The following ARPC3 variants were observed in gnomAD, a reference collection of about 807,000 sequenced individuals.
The protein encoded by ARPC3 is actin related protein 2/3 complex subunit 3.
ARPC3 carries 12 observed loss-of-function variants against 27.6 expected under a neutral mutation model. The observed-to-expected ratio is 0.43, with a 90% confidence interval of 0.28 to 0.70. The LOEUF (loss-of-function observed/expected upper bound fraction) is 0.70. ARPC3 is among the 30% of genes least tolerant of loss of function. The pLI is 0.17. For synonymous variants in ARPC3, 53 were observed against 67.2 expected, an observed-to-expected ratio of 0.79 and a Z score of 1.03; for missense variants, 153 against 207.7, an observed-to-expected ratio of 0.74 and a Z score of 1.62.
chr12:110,447,820 A>G (rs1464525915), intron 1 of ARPC3, among the ~76,000 whole-genome samples: 1 of 151,384 alleles, frequency 6.6e-6, no homozygotes, highest in Non-Finnish European at 1.5e-5. Context: ...ACAAACAAAC[A>G]AAACCCAACA....
chr12:110,439,368 A>G (rs1027863402), intron 3 of ARPC3, among the ~76,000 whole-genome samples: 1 of 152,162 alleles, frequency 6.6e-6, no homozygotes, highest in African/African-American at 2.4e-5. Flanking sequence ...GTGCCCAGAG[A>G]ATTGTAACAT....
Position 110,435,634 on chromosome 12 carries a change from A to T in ARPC3, c.475-417T>A, listed in dbSNP as rs890657513. ...CGTGAGCCACCGCGCCTGGCCATAA[A>T]CCCTTTTTAGACAAAGTCTCACTCT... On this transcript the variant is annotated intron_variant, in intron 6 of 6. Coordinates refer to ENST00000228825, the MANE Select transcript of ARPC3 (RefSeq NM_001278556.2). Among the ~76,000 whole-genome samples, 20 of 148,344 alleles carry T rather than the reference A, an allele frequency of 1.3e-4. 1 individual carries two copies. The highest frequency in any genetic ancestry group is 2.4e-4 in the Non-Finnish European group (16 of 67,246).
At chr12:110,448,553 C>T (rs1291406072) in intron 1 of ARPC3, among the ~76,000 whole-genome samples, 1 of 151,374 alleles carries the variant, frequency 6.6e-6, no homozygotes, top group Non-Finnish European at 1.5e-5. Flanking sequence ...TGGCGTACAC[C>T]TGTAGTCCCA....
Position 110,437,098 on chromosome 12 carries a change from T to C in ARPC3, c.238A>G (p.Lys80Glu). The change falls in exon 4 of 7, where the codon AAG becomes GAG. Residue 80 changes from lysine (K) to glutamate (E), a missense_variant. Physicochemically the swap from Lys to Glu is moderately conservative, Grantham distance 56. Transcript: ENST00000228825. Reference sequence around the variant, plus strand: ...AGTTTAATTACCTTTTGCAGTTTCTTCAGACATTCAGAAATGTAGAGAGTT... The same window carrying C: ...AGTTTAATTACCTTTTGCAGTTTCTCCAGACATTCAGAAATGTAGAGAGTT... ...YITLYISECL[K>E]KLQKCNSKSQ... The C allele has an allele frequency of 6.2e-7, 1 of 1,601,688 alleles. No individual in the cohort carries two copies. Among genetic ancestry groups the C allele is most frequent in the Non-Finnish European group, 8.6e-7 (1 of 1,169,036 alleles).
intron 1 of ARPC3, among the ~76,000 whole-genome samples, chr12:110,447,219 T>C (rs1315513479): frequency 6.6e-6 from 1 of 152,232 alleles, no homozygotes; most frequent in Non-Finnish European, 1.5e-5. Flanking sequence ...TGAGAAGATA[T>C]ATATTCCCTT....
intron 2 of ARPC3, chr12:110,444,832 T>G (rs192350415): frequency 6.5e-6 from 1 of 152,722 alleles, no homozygotes; most frequent in Non-Finnish European, 1.5e-5. Context: ...TGAATGGAAT[T>G]CAGTTCAGAC....
chr12:110,445,630 G>T, intron 1 of ARPC3, 79 bp from the exon 2 acceptor site: 1 of 1,079,026 alleles, frequency 9.3e-7, no homozygotes, highest in Non-Finnish European at 1.4e-6. Context: ...TCCCTTAAAG[G>T]AAAAAAAGAG....
chr12:110,447,645 T>C (rs1314301676), intron 1 of ARPC3, among the ~76,000 whole-genome samples: 1 of 152,062 alleles, frequency 6.6e-6, no homozygotes, highest in African/African-American at 2.4e-5. Flanking sequence ...TGGTAGTGCA[T>C]GCCTGTATTC....
At chr12:110,445,633 A>G in intron 1 of ARPC3, 82 bp from the exon 2 acceptor site, 3 of 1,056,200 alleles carry the variant, frequency 2.8e-6, no homozygotes, top group Non-Finnish European at 4.4e-6. Context: ...CTTAAAGGAA[A>G]AAAAGAGTAA....
intron 2 of ARPC3, among the ~76,000 whole-genome samples, chr12:110,444,463 T>TTAG (rs1398955806): frequency 6.6e-6 from 1 of 152,048 alleles, no homozygotes; most frequent in Non-Finnish European, 1.5e-5. Flanking sequence ...TTTTGTATTT[T>TTAG]TAGTAGAGTT....
rs59861890 is a variant in ARPC3 at position 110,436,687 on chromosome 12, G to GAA, written c.253-6_253-5dup. On this transcript the variant is annotated splice_region_variant and splice_polypyrimidine_tract_variant and intron_variant, in intron 4 of 6. Transcript: ENST00000228825. ...CACCTTGGCTTTTGGAATTGCACTG[G>GAA]AAAAAAAAATATATATATATATATA... The GAA allele has an allele frequency of 0.025, 19,894 of 799,386 alleles. 979 individuals carry two copies. The highest frequency in any genetic ancestry group is 0.064 in the African/African-American group (2,399 of 37,314). The allele number at this position is 799,386 out of a possible 1,614,324, so 49.5% of individuals were successfully genotyped here. A position where few individuals can be genotyped will look rare whatever the true frequency, so the allele number is the denominator to read the frequency against.
chr12:110,446,615 T>A (rs1040328490), intron 1 of ARPC3, among the ~76,000 whole-genome samples: 1 of 145,792 alleles, frequency 6.9e-6, no homozygotes, highest in Admixed American at 6.9e-5. Flanking sequence ...TTCCTAATTT[T>A]TTTTTTTTTT....
chr12:110,447,149 G>T lies in ARPC3; in HGVS notation c.7-1598C>A, dbSNP rs76769595. On this transcript the variant is annotated intron_variant, in intron 1 of 6. Transcript: ENST00000228825. ...CTTTTCAGCTCTGCCACTTCATGGC[G>T]TTATGCTTTTGACCAAGACATCATT... Among the ~76,000 whole-genome samples, 746 of 152,274 alleles carry T rather than the reference G, an allele frequency of 4.9e-3. 2 individuals carry two copies. The highest frequency in any genetic ancestry group is 0.01 in the Middle Eastern group (3 of 294).
intron 2 of ARPC3, among the ~76,000 whole-genome samples, chr12:110,443,693 A>G (rs930919774): frequency 6.6e-6 from 1 of 152,132 alleles, no homozygotes; most frequent in African/African-American, 2.4e-5. Context: ...TCAGCCTCCC[A>G]AAGTGCTGGG....
chr12:110,437,694 C>T (rs1248897040), intron 3 of ARPC3, among the ~76,000 whole-genome samples: 10 of 151,978 alleles, frequency 6.6e-5, no homozygotes, highest in Admixed American at 2.0e-4. Context: ...TTGTTTTTCT[C>T]GGCTCCCCTT....
chr12:110,440,679 T>G (rs1392145422), intron 2 of ARPC3, among the ~76,000 whole-genome samples: 1 of 150,542 alleles, frequency 6.6e-6, no homozygotes, highest in African/African-American at 2.4e-5. Flanking sequence ...CCTGAGTAGC[T>G]GGGGCTACAG....
intron 2 of ARPC3, chr12:110,442,569 C>T (rs1017142009): frequency 3.3e-5 from 5 of 151,852 alleles, no homozygotes; most frequent in Admixed American, 6.6e-5. Context: ...GATCATTCCA[C>T]CAAACTCAAG....
At chr12:110,436,709 T>G in intron 4 of ARPC3, 26 bp from the exon 5 acceptor site, 2 of 545,582 alleles carry the variant, frequency 3.7e-6, no homozygotes, top group Non-Finnish European at 6.0e-6. Context: ...TATATATATA[T>G]ATACACACAC....
intron 2 of ARPC3, among the ~76,000 whole-genome samples, chr12:110,443,308 T>C (rs930163133): frequency 6.6e-6 from 1 of 151,856 alleles, no homozygotes; most frequent in Non-Finnish European, 1.5e-5. Context: ...TTAGTAGAGA[T>C]GGGGTTTCAC....
Sources: allele counts gnomAD v4.1 joint callset (sites outside exome capture counted in the v4.1 genomes callset), GRCh38; gene constraint gnomAD v4.1.1; transcripts MANE v1.5; gene names NCBI Gene and HGNC (gene_info 2026-07-23, HGNC 2026-07-21).